Variants in ADGRL2 observed in about 807,000 individuals in gnomAD.
ADGRL2 encodes adhesion G protein-coupled receptor L2.
In ADGRL2, 44 loss-of-function variants were observed where a neutral mutation model predicts 157.4. The ratio of observed to expected loss-of-function variants is 0.28; its 90% CI spans 0.22 to 0.36. The LOEUF (loss-of-function observed/expected upper bound fraction) is 0.36, where lower values mean the gene tolerates loss of function less well. ADGRL2 is among the 10% of genes least tolerant of loss of function. The pLI is 1.00. For missense variants in ADGRL2, 1,510 were observed against 1,768.9 expected, an observed-to-expected ratio of 0.85 and a Z score of 2.63; for synonymous variants, 585 against 624.7, an observed-to-expected ratio of 0.94 and a Z score of 0.95.
At chr1:81,672,289 T>C (rs2082891891) in intron 3 of ADGRL2, among the ~76,000 whole-genome samples, 1 of 152,196 alleles carries the variant, frequency 6.6e-6, no homozygotes, top group African/African-American at 2.4e-5. Flanking sequence ...ATTTCTGAAA[T>C]TTCCCTCCCT....
intron 19 of ADGRL2, among the ~76,000 whole-genome samples, chr1:81,982,230 G>A (rs561736440): frequency 8.6e-5 from 13 of 151,782 alleles, no homozygotes; most frequent in Middle Eastern, 3.4e-3. Context: ...TTGCTCGTAG[G>A]GTCTATAAAA....
intron 2 of ADGRL2, among the ~76,000 whole-genome samples, chr1:81,868,929 G>T (rs1415582188): frequency 1.3e-5 from 2 of 152,096 alleles, no homozygotes; most frequent in Non-Finnish European, 2.9e-5. Flanking sequence ...GTGTAATGTG[G>T]ATATTCATAC....
At chr1:81,395,207 C>G (rs2076634098) in intron 1 of ADGRL2, among the ~76,000 whole-genome samples, 1 of 152,034 alleles carries the variant, frequency 6.6e-6, no homozygotes, top group African/African-American at 2.4e-5. Flanking sequence ...TTTTTTGTCT[C>G]TTTGATAATA....
chr1:81,696,919 T>C (rs2149014207), upstream of ADGRL2, among the ~76,000 whole-genome samples: 1 of 152,258 alleles, frequency 6.6e-6, no homozygotes, highest in South Asian at 2.1e-4. Context: ...GTGAGCCTGT[T>C]GAAAAATGGC....
intron 2 of ADGRL2, among the ~76,000 whole-genome samples, chr1:81,480,502 T>C (rs985721650): frequency 5.9e-5 from 9 of 152,088 alleles, no homozygotes; most frequent in Admixed American, 4.6e-4. Flanking sequence ...AGTTTTAATT[T>C]CAGAACATAT....
At chr1:81,481,526 C>T (rs2078387376) in intron 2 of ADGRL2, among the ~76,000 whole-genome samples, 1 of 152,174 alleles carries the variant, frequency 6.6e-6, no homozygotes, top group East Asian at 1.9e-4. Context: ...GGACCAGCTT[C>T]AGCTGTGAGC....
At chr1:81,671,440 A>G (rs1484828013) in intron 3 of ADGRL2, among the ~76,000 whole-genome samples, 1 of 152,118 alleles carries the variant, frequency 6.6e-6, no homozygotes, top group African/African-American at 2.4e-5. Context: ...CTTAATGTGC[A>G]CAGAAATCAT....
chr1:81,726,108 T>G (rs2084520240), intron 1 of ADGRL2, among the ~76,000 whole-genome samples: 1 of 152,236 alleles, frequency 6.6e-6, no homozygotes. Context: ...TGTTTGTAGG[T>G]ATTTTCTCTT....
At chr1:81,605,634 C>T (rs1449278828) in intron 3 of ADGRL2, among the ~76,000 whole-genome samples, 1 of 152,148 alleles carries the variant, frequency 6.6e-6, no homozygotes, top group African/African-American at 2.4e-5. Flanking sequence ...CTGATGATGC[C>T]ATCAGCTACT....
chr1:81,812,897 G>A (rs774785423), intron 1 of ADGRL2, among the ~76,000 whole-genome samples: 1 of 151,750 alleles, frequency 6.6e-6, no homozygotes, highest in African/African-American at 2.4e-5. Flanking sequence ...AAAAATGAAT[G>A]CAGGCAGAAT....
At chr1:81,890,775 G>T (rs990468486) in intron 2 of ADGRL2, among the ~76,000 whole-genome samples, 3 of 152,074 alleles carry the variant, frequency 2.0e-5, no homozygotes, top group African/African-American at 7.2e-5. Context: ...GTTCACCTAG[G>T]TCTACAGTCT....
At chr1:81,682,896 C>T (rs528385691) in intron 3 of ADGRL2, among the ~76,000 whole-genome samples, 28 of 152,146 alleles carry the variant, frequency 1.8e-4, no homozygotes, top group Non-Finnish European at 3.4e-4. Context: ...CTTTGGGAGG[C>T]CGAGGCGGGT....
At chr1:81,691,867 GGT>G (rs71085369) in intron 3 of ADGRL2, among the ~76,000 whole-genome samples, 19,339 of 130,202 alleles carry the variant, frequency 0.15, 2,338 homozygotes, top group Middle Eastern at 0.23. Flanking sequence ...TATATATATG[GGT>G]GTGTGTGTGT....
chr1:81,338,703 C>A (rs12143326), intron 1 of ADGRL2, among the ~76,000 whole-genome samples: 35,501 of 151,958 alleles, frequency 0.23, 4,529 homozygotes, highest in Middle Eastern at 0.36. Flanking sequence ...ATTCTTTATC[C>A]CTGGAAAACA....
chr1:81,633,318 G>A (rs558699870), intron 3 of ADGRL2, among the ~76,000 whole-genome samples: 2 of 152,034 alleles, frequency 1.3e-5, no homozygotes, highest in Admixed American at 6.6e-5. Context: ...CATGCTGGGC[G>A]GGCGCAGTGG....
intron 2 of ADGRL2, among the ~76,000 whole-genome samples, chr1:81,526,661 GT>G (rs1236171275): frequency 1.3e-5 from 2 of 152,110 alleles, no homozygotes; most frequent in South Asian, 2.1e-4. Context: ...GGGAGATTTT[GT>G]TTTTTTAGGA....
intron 1 of ADGRL2, among the ~76,000 whole-genome samples, chr1:81,728,902 T>C (rs1557601738): frequency 6.6e-6 from 1 of 152,032 alleles, no homozygotes; most frequent in Non-Finnish European, 1.5e-5. Flanking sequence ...TAACTGTCCT[T>C]CTTCTCCAGC....
At chr1:81,702,899 T>C (rs1253003144) in intron 1 of ADGRL2, among the ~76,000 whole-genome samples, 2 of 152,114 alleles carry the variant, frequency 1.3e-5, no homozygotes, top group Admixed American at 6.6e-5. Context: ...AGAAAGATAA[T>C]ACATTTGTAA....
intron 3 of ADGRL2, among the ~76,000 whole-genome samples, chr1:81,622,243 G>GTA (rs1557513948): frequency 6.6e-6 from 1 of 152,118 alleles, no homozygotes; most frequent in Admixed American, 6.6e-5. Context: ...CTGGTCTTAT[G>GTA]TATATATATG....
Sources: allele counts gnomAD v4.1 joint callset (sites outside exome capture counted in the v4.1 genomes callset), GRCh38; gene constraint gnomAD v4.1.1; transcripts MANE v1.5; gene names NCBI Gene and HGNC (gene_info 2026-07-23, HGNC 2026-07-21).